FAM227B: variants seen among roughly 807,000 people sequenced by gnomAD.
FAM227B encodes the protein protein FAM227B.
Under a neutral mutation model 73.8 loss-of-function variants are expected in FAM227B, and 88 were observed. That is an observed-to-expected ratio of 1.19 (90% CI 1.00 to 1.42). The LOEUF is 1.42. Among genes scored for constraint, FAM227B ranks in the 40% most tolerant of loss-of-function variants. The pLI is 0.00. For missense variants in FAM227B, 632 were observed against 590.9 expected, an observed-to-expected ratio of 1.07 and a Z score of -0.72; for synonymous variants, 210 against 190.5, an observed-to-expected ratio of 1.10 and a Z score of -0.84.
At chr15:49,329,272 T>G in intron 15 of FAM227B, 1 of 985,480 alleles carries the variant, frequency 1.0e-6, no homozygotes, top group Non-Finnish European at 1.2e-6. Context: ...GTTTGGCTGG[T>G]GATGGCAAAT....
intron 11 of FAM227B, among the ~76,000 whole-genome samples, chr15:49,384,798 T>C (rs975716291): frequency 1.3e-5 from 2 of 152,038 alleles, no homozygotes; most frequent in African/African-American, 4.8e-5. Flanking sequence ...TTCCCTTAAA[T>C]ATTTCTCCTT....
intron 10 of FAM227B, among the ~76,000 whole-genome samples, chr15:49,531,055 C>T (rs979096197): frequency 1.3e-5 from 2 of 151,302 alleles, no homozygotes; most frequent in Non-Finnish European, 3.0e-5. Context: ...AAGGATAATA[C>T]ACAGGCCACA....
intron 11 of FAM227B, among the ~76,000 whole-genome samples, chr15:49,495,359 C>G (rs955474472): frequency 1.3e-5 from 2 of 152,104 alleles, no homozygotes; most frequent in East Asian, 3.9e-4. Flanking sequence ...CTGAATAGTT[C>G]CGTTAAATTT....
intron 9 of FAM227B, among the ~76,000 whole-genome samples, chr15:49,546,669 T>C (rs1225137561): frequency 2.0e-5 from 3 of 152,242 alleles, no homozygotes; most frequent in Non-Finnish European, 4.4e-5. Flanking sequence ...TGTGAGATGG[T>C]ATCTCATTGT....
At chr15:49,338,975 C>T (rs1056036618) in intron 13 of FAM227B, among the ~76,000 whole-genome samples, 19 of 152,064 alleles carry the variant, frequency 1.2e-4, no homozygotes, top group African/African-American at 3.6e-4. Context: ...TTTTCAGCTC[C>T]GTCAGGTCAC....
chr15:49,454,081 C>A (rs1197741606), intron 11 of FAM227B, among the ~76,000 whole-genome samples: 1 of 152,038 alleles, frequency 6.6e-6, no homozygotes, highest in Non-Finnish European at 1.5e-5. Flanking sequence ...GTCAGACAGG[C>A]GTAGGTTTGA....
At chr15:49,614,564 G>C (rs1163639495) in intron 2 of FAM227B, among the ~76,000 whole-genome samples, 4 of 152,098 alleles carry the variant, frequency 2.6e-5, no homozygotes, top group Non-Finnish European at 5.9e-5. Context: ...TAATGTTTAT[G>C]GTTTCTTTAA....
intron 9 of FAM227B, among the ~76,000 whole-genome samples, chr15:49,545,035 C>CGAGGG (rs2071628393): frequency 1.3e-5 from 2 of 152,028 alleles, no homozygotes; most frequent in Non-Finnish European, 2.9e-5. Context: ...AGGGAAGAGT[C>CGAGGG]CCTCTTTCAC....
intron 9 of FAM227B, among the ~76,000 whole-genome samples, chr15:49,554,273 G>T (rs922043131): frequency 1.3e-5 from 2 of 152,144 alleles, no homozygotes; most frequent in South Asian, 4.1e-4. Flanking sequence ...TATGAGAGAG[G>T]TGATGCCGGT....
At chr15:49,365,297 G>A in intron 13 of FAM227B, 2 of 1,550,960 alleles carry the variant, frequency 1.3e-6, no homozygotes, top group Non-Finnish European at 1.8e-6. Flanking sequence ...GAGGAGAGCA[G>A]GTTGCCCCTT....
chr15:49,571,419 A>G (rs1031776868), intron 8 of FAM227B, among the ~76,000 whole-genome samples: 3 of 151,894 alleles, frequency 2.0e-5, no homozygotes, highest in African/African-American at 7.2e-5. Flanking sequence ...ATACTCAAAA[A>G]ATCACCGTAC....
At chr15:49,466,573 TTATAACA>T (rs1257138967) in intron 11 of FAM227B, among the ~76,000 whole-genome samples, 1 of 152,134 alleles carries the variant, frequency 6.6e-6, no homozygotes, top group Non-Finnish European at 1.5e-5. Context: ...AGAGTAACCT[TTATAACA>T]TATATCTTAT....
chr15:49,371,483 A>G, intron 11 of FAM227B, 84 bp from the exon 12 acceptor site: 1 of 729,724 alleles, frequency 1.4e-6, no homozygotes, highest in Non-Finnish European at 2.3e-6. Flanking sequence ...TCGCCTTTTA[A>G]CAATGCACCC....
chr15:49,360,853 A>G (rs982996398), intron 13 of FAM227B, among the ~76,000 whole-genome samples: 9 of 152,226 alleles, frequency 5.9e-5, no homozygotes, highest in African/African-American at 2.2e-4. Context: ...GTCAGAAGAC[A>G]TAAGCACTCC....
intron 11 of FAM227B, chr15:49,395,969 T>A: frequency 2.2e-6 from 1 of 455,974 alleles, no homozygotes; most frequent in Non-Finnish European, 4.4e-6. Flanking sequence ...TGTGGGTTAA[T>A]CTTACCAAAA....
At chr15:49,389,114 C>A (rs1319245184) in intron 11 of FAM227B, among the ~76,000 whole-genome samples, 2 of 151,988 alleles carry the variant, frequency 1.3e-5, no homozygotes, top group East Asian at 3.9e-4. Flanking sequence ...TATAGAACTA[C>A]CATTTGATCC....
chr15:49,603,004 A>G (rs183715474), intron 3 of FAM227B, among the ~76,000 whole-genome samples: 4 of 152,166 alleles, frequency 2.6e-5, no homozygotes, highest in Admixed American at 2.0e-4. Flanking sequence ...CCATGGGTGT[A>G]TATGTGTTTT....
intron 10 of FAM227B, among the ~76,000 whole-genome samples, chr15:49,530,395 C>A (rs1327187405): frequency 2.0e-5 from 3 of 151,792 alleles, no homozygotes; most frequent in African/African-American, 7.2e-5. Flanking sequence ...ACTTAAATAT[C>A]AGAATAGGTA....
chr15:49,473,404 T>A (rs2054962029), intron 11 of FAM227B, among the ~76,000 whole-genome samples: 1 of 152,130 alleles, frequency 6.6e-6, no homozygotes, highest in South Asian at 2.1e-4. Context: ...AACTCCAAAA[T>A]TCGCTTTTAT....
Sources: gnomAD v4.1 joint callset for allele counts (sites outside exome capture counted in the v4.1 genomes callset) on GRCh38, gnomAD v4.1.1 for gene constraint, MANE v1.5 for transcripts, NCBI Gene and HGNC (gene_info 2026-07-23, HGNC 2026-07-21) for gene names.